Variants in CARMIL1 observed in about 807,000 individuals in gnomAD.
CARMIL1 encodes the protein capping protein regulator and myosin 1 linker 1.
A neutral mutation model predicts 177.1 loss-of-function variants in CARMIL1; 90 were observed. That is an observed-to-expected ratio of 0.51 (90% CI 0.43 to 0.61). The LOEUF (loss-of-function observed/expected upper bound fraction) is 0.61, where lower values mean the gene tolerates loss of function less well. Ranked by LOEUF, CARMIL1 falls within the 20% of genes least tolerant of loss-of-function variation. The pLI, the probability that CARMIL1 is intolerant of heterozygous loss-of-function variation, is 0.00. For synonymous variants in CARMIL1, 577 were observed against 606.2 expected (o/e 0.95, Z 0.71); for missense variants, 1,380 against 1,667.0 (o/e 0.83, Z 3.00).
chr6:25,425,382 T>C (rs1395820110), intron 3 of CARMIL1, among the ~76,000 whole-genome samples: 1 of 152,152 alleles, frequency 6.6e-6, no homozygotes, highest in African/African-American at 2.4e-5. Flanking sequence ...TCAGTATACT[T>C]TGAGATGTTT....
Position 25,441,337 on chromosome 6 carries a change from A to ATATGTGTGTGTGTGTGTG in CARMIL1, c.371+5734_371+5735insATGTGTGTGTGTGTGTGT. Among the ~76,000 whole-genome samples the ATATGTGTGTGTGTGTGTG allele has an allele frequency of 2.0e-3, 191 of 94,528 alleles. 1 individual carries two copies. Among genetic ancestry groups the ATATGTGTGTGTGTGTGTG allele is most frequent in the African/African-American group, 2.4e-3 (55 of 22,866 alleles). 62.0% of individuals were successfully genotyped at this position (94,528 alleles called of 152,430 possible). Reference sequence around the variant, plus strand: ...CAAACAAACATATATATATATATATATGTGTGTGTGTGTGTGTGTGTGTGT... The same window carrying ATATGTGTGTGTGTGTGTG: ...CAAACAAACATATATATATATATATATATGTGTGTGTGTGTGTGTGTGTGTGTGTGTGTGTGTGTGTGT... On this transcript the variant is annotated intron_variant, in intron 5 of 36. Coordinates refer to ENST00000329474, the MANE Select transcript of CARMIL1 (RefSeq NM_017640.6).
chr6:25,304,297 A>G (rs116632392), intron 2 of CARMIL1, among the ~76,000 whole-genome samples: 4,255 of 152,294 alleles, frequency 0.028, 71 homozygotes, highest in Non-Finnish European at 0.038. Flanking sequence ...GAGGATGGGG[A>G]ATTGAATTCC....
intron 2 of CARMIL1, among the ~76,000 whole-genome samples, chr6:25,302,139 C>T (rs936840797): frequency 2.6e-5 from 4 of 152,144 alleles, no homozygotes; most frequent in African/African-American, 9.7e-5. Flanking sequence ...GAATGATCGG[C>T]ACTGACCCTA....
At chr6:25,379,009 G>C (rs182791836) in intron 2 of CARMIL1, among the ~76,000 whole-genome samples, 1 of 152,124 alleles carries the variant, frequency 6.6e-6, no homozygotes, top group East Asian at 1.9e-4. Flanking sequence ...TCATTTTCTG[G>C]TTGTATGGAC....
chr6:25,587,105 T>C (rs1250218626), intron 31 of CARMIL1, among the ~76,000 whole-genome samples: 1 of 151,886 alleles, frequency 6.6e-6, no homozygotes, highest in African/African-American at 2.4e-5. Context: ...GGCACAAAAA[T>C]TTAACCTTAG....
chr6:25,498,043 T>C (rs1012173406), intron 16 of CARMIL1, among the ~76,000 whole-genome samples: 1 of 152,174 alleles, frequency 6.6e-6, no homozygotes, highest in African/African-American at 2.4e-5. Flanking sequence ...CCAGCATCAC[T>C]CAGAGTGCAG....
At chr6:25,441,532 C>T (rs781263124) in intron 5 of CARMIL1, among the ~76,000 whole-genome samples, 1 of 152,094 alleles carries the variant, frequency 6.6e-6, no homozygotes, top group South Asian at 2.1e-4. Flanking sequence ...CTCTCCCTCT[C>T]TCCTTCCCTT....
intron 2 of CARMIL1, among the ~76,000 whole-genome samples, chr6:25,334,546 G>C (rs546223339): frequency 6.6e-6 from 1 of 152,042 alleles, no homozygotes; most frequent in African/African-American, 2.4e-5. Context: ...CCCTGTTACT[G>C]ACCCAGATCC....
At position 25,364,625 on chromosome 6, in the gene CARMIL1, G is replaced by A. The variant is rs183746000; in HGVS notation, c.139-55489G>A. On this transcript the variant is annotated intron_variant, in intron 2 of 36. Transcript: ENST00000329474. Reference sequence around the variant, plus strand: ...GTCACCCAGACTGGAGTGCAGTGGCGCGATCTTGGCTCACTGCGACCTCCG... The same window carrying A: ...GTCACCCAGACTGGAGTGCAGTGGCACGATCTTGGCTCACTGCGACCTCCG... 2.6e-4 allele frequency among the ~76,000 whole-genome samples: 39 copies of A among 151,648 alleles called. 1 individual carries two copies. The highest frequency in any genetic ancestry group is 1.8e-3 in the Admixed American group (28 of 15,178).
At chr6:25,499,316 A>ATATC (rs373433993) in intron 16 of CARMIL1, among the ~76,000 whole-genome samples, 47 of 152,334 alleles carry the variant, frequency 3.1e-4, no homozygotes, top group African/African-American at 9.4e-4. Context: ...ATTGGCACAC[A>ATATC]TATCTGTTTT....
At chr6:25,365,617 ATC>A (rs1789700251) in intron 2 of CARMIL1, among the ~76,000 whole-genome samples, 1 of 151,994 alleles carries the variant, frequency 6.6e-6, no homozygotes, top group African/African-American at 2.4e-5. Context: ...TTTTGTTGCA[ATC>A]TCAGCCCACT....
rs547410589 is a variant in CARMIL1 at position 25,600,440 on chromosome 6, A to G, written c.3246A>G (p.Arg1082=). 6.0e-5 allele frequency: 97 copies of G among 1,614,024 alleles called. 2 individuals carry two copies. The East Asian group carries it at 1.9e-3, about 32-fold the overall frequency. The change falls in exon 33 of 37, where the codon CGA becomes CGG. Residue 1082 remains arginine (R), a synonymous_variant. Coordinates refer to ENST00000329474, the MANE Select transcript of CARMIL1 (RefSeq NM_017640.6). ...TCAAATCCCGGTCCAAATCCGAGCG[A>G]CCACCAACGATCTTGATGACAGAAG... The part of the protein sequence containing the change: ...NLIKSRSKSE[R]PPTILMTEEP...
chr6:25,545,417 CAT>C (rs10559566), intron 26 of CARMIL1, among the ~76,000 whole-genome samples: 67,909 of 151,822 alleles, frequency 0.45, 15,345 homozygotes, highest in East Asian at 0.49. Flanking sequence ...AGCATCTAAT[CAT>C]ATGGCTTCAT....
intron 25 of CARMIL1, among the ~76,000 whole-genome samples, chr6:25,539,363 A>G (rs1808656138): frequency 6.6e-6 from 1 of 152,054 alleles, no homozygotes; most frequent in East Asian, 1.9e-4. Flanking sequence ...GTGTATGCAG[A>G]GAACTGGAGA....
At chr6:25,486,486 T>C (rs945166939) in intron 12 of CARMIL1, among the ~76,000 whole-genome samples, 30 of 152,192 alleles carry the variant, frequency 2.0e-4, no homozygotes, top group Admixed American at 1.4e-3. Context: ...AGGAAATGAT[T>C]TTACAAATGA....
chr6:25,391,723 T>A (rs1225924704), intron 2 of CARMIL1, among the ~76,000 whole-genome samples: 1 of 152,236 alleles, frequency 6.6e-6, no homozygotes, highest in Non-Finnish European at 1.5e-5. Flanking sequence ...AAACTGCATA[T>A]GGCTAGTGGT....
In CARMIL1 at chr6:25,279,485, G is replaced by GCAGGCGCCA. The variant is rs1295165723; in HGVS notation, c.-307_-299dup. 2 of 469,012 alleles carry GCAGGCGCCA rather than the reference G, an allele frequency of 4.3e-6. No homozygotes were observed. The highest frequency in any genetic ancestry group is 8.1e-5 in the East Asian group (2 of 24,592). 29.1% of individuals were successfully genotyped at this position (469,012 alleles called of 1,614,324 possible). A position where few individuals can be genotyped will look rare whatever the true frequency, so the allele number is the denominator to read the frequency against. The stretch of plus-strand genomic sequence containing the variant: ...GGGGACCAGCGAGCCGGGAGGAGGA[G>GCAGGCGCCA]CAGGCGCCACAGCCGCCCCGCGCCC... On this transcript the variant is annotated 5_prime_UTR_variant, in exon 1 of 37. Coordinates refer to ENST00000329474, the MANE Select transcript of CARMIL1 (RefSeq NM_017640.6).
chr6:25,389,570 T>C (rs189602557), intron 2 of CARMIL1, among the ~76,000 whole-genome samples: 2 of 152,322 alleles, frequency 1.3e-5, no homozygotes, highest in African/African-American at 4.8e-5. Flanking sequence ...GAATAATTGC[T>C]GGAATTGGAT....
At chr6:25,612,865 A>G in intron 36 of CARMIL1, 1 of 985,454 alleles carries the variant, frequency 1.0e-6, no homozygotes, top group Non-Finnish European at 1.2e-6. Context: ...AATTGGGCAC[A>G]GGAAGTCACA....
Sources: gnomAD v4.1 joint callset for allele counts (sites outside exome capture counted in the v4.1 genomes callset) on GRCh38, gnomAD v4.1.1 for gene constraint, MANE v1.5 for transcripts, NCBI Gene and HGNC (gene_info 2026-07-23, HGNC 2026-07-21) for gene names.